The following ERMP1 variants were observed in gnomAD, a reference collection of about 807,000 sequenced individuals.
ERMP1 encodes the protein Felix-ina.
In ERMP1, 86 loss-of-function variants were observed where a neutral mutation model predicts 92.0. That is an observed-to-expected ratio of 0.93 (90% CI 0.79 to 1.12). ERMP1 has a LOEUF of 1.12. Ranked by LOEUF, ERMP1 falls within the 50% of genes most tolerant of loss-of-function variation. ERMP1 has a pLI of 0.00. For missense variants in ERMP1, 1,342 were observed against 1,116.3 expected (o/e 1.20, Z -2.88); for synonymous variants, 530 against 412.8 (o/e 1.28, Z -3.44).
At chr9:5,801,585 C>T (rs1411602362) in intron 10 of ERMP1, among the ~76,000 whole-genome samples, 1 of 151,944 alleles carries the variant, frequency 6.6e-6, no homozygotes, top group Non-Finnish European at 1.5e-5. Flanking sequence ...CAGCCAAAAA[C>T]CAAGAGGGAA....
intron 13 of ERMP1, among the ~76,000 whole-genome samples, chr9:5,792,452 G>A (rs1057369581): frequency 1.3e-5 from 2 of 152,172 alleles, no homozygotes; most frequent in Non-Finnish European, 2.9e-5. Flanking sequence ...CAGGCCAAAT[G>A]CTCCTGGATC....
intron 13 of ERMP1, among the ~76,000 whole-genome samples, chr9:5,793,951 A>G (rs2131205486): frequency 6.6e-6 from 1 of 152,270 alleles, no homozygotes; most frequent in South Asian, 2.1e-4. Flanking sequence ...AGTGACATTC[A>G]TAAAGCCTTC....
At chr9:5,809,224 G>T (rs925271775) in intron 8 of ERMP1, among the ~76,000 whole-genome samples, 5 of 151,762 alleles carry the variant, frequency 3.3e-5, no homozygotes, top group Admixed American at 2.6e-4. Context: ...GTTTCACCGT[G>T]TTAGCCAGGA....
rs1362444362 is a variant in ERMP1 at position 5,839,923 on chromosome 9, T to TA, written n.3200-6612dup. The stretch of plus-strand genomic sequence containing the variant: ...ATCATCCTCCTGTGTCCTACCCACC[T>TA]ACTTGGTACATTAGCAATCCATAAG... On this transcript the variant is annotated intron_variant and non_coding_transcript_variant, in intron 6 of 6. Transcript: ENST00000690753. Among the ~76,000 whole-genome samples, 3 of 152,194 alleles carry TA rather than the reference T, an allele frequency of 2.0e-5. No homozygotes were observed. In the East Asian group the frequency reaches 5.8e-4, roughly 29 times the overall value.
At chr9:5,801,626 A>C (rs556168087) in intron 10 of ERMP1, among the ~76,000 whole-genome samples, 86 of 152,358 alleles carry the variant, frequency 5.6e-4, no homozygotes, top group African/African-American at 1.9e-3. Flanking sequence ...GCTGTCCTTA[A>C]TGTGCGAAAA....
At chr9:5,804,514 G>T (rs922410378) in intron 10 of ERMP1, among the ~76,000 whole-genome samples, 16 of 152,144 alleles carry the variant, frequency 1.1e-4, no homozygotes. Context: ...AGGCACGTTT[G>T]GGTGTCATAA....
At chr9:5,808,062 C>G (rs1828936679) in intron 8 of ERMP1, among the ~76,000 whole-genome samples, 1 of 152,174 alleles carries the variant, frequency 6.6e-6, no homozygotes, top group Non-Finnish European at 1.5e-5. Context: ...TGGCCTCAAG[C>G]AGTCTTCCTG....
chr9:5,859,686 T>G (rs1586845264), intron 5 of ERMP1, among the ~76,000 whole-genome samples: 1 of 152,206 alleles, frequency 6.6e-6, no homozygotes, highest in Non-Finnish European at 1.5e-5. Context: ...CCATAACTAT[T>G]TCAAAGCCTT....
intron 7 of ERMP1, among the ~76,000 whole-genome samples, chr9:5,810,807 T>C (rs1829062439): frequency 6.6e-6 from 1 of 152,216 alleles, no homozygotes; most frequent in Non-Finnish European, 1.5e-5. Flanking sequence ...ATACTAGCTA[T>C]TGGTCTGTAG....
chr9:5,845,143 G>GT (rs113368038), intron 6 of ERMP1, among the ~76,000 whole-genome samples: 25 of 18,918 alleles, frequency 1.3e-3, no homozygotes, highest in African/African-American at 1.7e-3. Context: ...AACTTTCAGT[G>GT]TTTTTTTTTT....
intron 6 of ERMP1, among the ~76,000 whole-genome samples, chr9:5,847,761 GGCA>G (rs1314043868): frequency 3.3e-5 from 5 of 151,810 alleles, no homozygotes; most frequent in East Asian, 3.9e-4. Context: ...CGGGCGTGGT[GGCA>G]GGCGCCTGTA....
intron 13 of ERMP1, among the ~76,000 whole-genome samples, chr9:5,792,106 T>C (rs10975282): frequency 0.35 from 52,651 of 151,816 alleles, 10,091 homozygotes; most frequent in East Asian, 0.75. Flanking sequence ...GTGTGTTGGG[T>C]GCAAATAAGG....
At chr9:5,816,346 T>C (rs1458951412) in intron 4 of ERMP1, among the ~76,000 whole-genome samples, 1 of 152,230 alleles carries the variant, frequency 6.6e-6, no homozygotes, top group Non-Finnish European at 1.5e-5. Flanking sequence ...CATGTCCCTG[T>C]TTATCTGAGA....
At chr9:5,835,071 T>C (rs1830076180), upstream of ERMP1, among the ~76,000 whole-genome samples, 1 of 151,580 alleles carries the variant, frequency 6.6e-6, no homozygotes. Context: ...TTTTCAGAAT[T>C]TTCCTTCTCA....
chr9:5,813,292 C>T (rs1227097276), intron 4 of ERMP1, among the ~76,000 whole-genome samples: 1 of 152,102 alleles, frequency 6.6e-6, no homozygotes, highest in Non-Finnish European at 1.5e-5. Context: ...AAAGATCATT[C>T]ATAAATCTAT....
Position 5,866,509 on chromosome 9 carries a change from T to G in ERMP1, n.3055+1293A>C, listed in dbSNP as rs556831071. On this transcript the variant is annotated intron_variant and non_coding_transcript_variant, in intron 5 of 6. Transcript: ENST00000690753. ...AAACAGCCCAGAATTGGTAGCTCAC[T>G]TGATGCTTTTGAAATCACTTGTACA... Among the ~76,000 whole-genome samples, 14 of 152,290 alleles carry G rather than the reference T, an allele frequency of 9.2e-5. No individual in the cohort carries two copies. In the South Asian group the frequency reaches 2.9e-3, roughly 32 times the overall value.
intron 10 of ERMP1, among the ~76,000 whole-genome samples, chr9:5,802,245 A>G (rs1296986417): frequency 6.6e-6 from 1 of 152,144 alleles, no homozygotes; most frequent in East Asian, 1.9e-4. Flanking sequence ...ACCTAAGGCT[A>G]GTACTGTTTT....
Position 5,787,124 on chromosome 9 carries a change from C to T in ERMP1, c.*20G>A, listed in dbSNP as rs1359560867. 1 of 1,606,658 alleles carries T rather than the reference C, an allele frequency of 6.2e-7. No homozygotes were observed. Among genetic ancestry groups the T allele is most frequent in the Admixed American group, 1.7e-5 (1 of 59,676 alleles). Reference sequence around the variant, plus strand: ...ACATGGAGTATCCACTGGGCATGTACTTAGAGCTCATCCACAAGATTAAAA... The same window carrying T: ...ACATGGAGTATCCACTGGGCATGTATTTAGAGCTCATCCACAAGATTAAAA... On this transcript the variant is annotated 3_prime_UTR_variant, in exon 15 of 15. Transcript: ENST00000339450.
intron 10 of ERMP1, 26 bp downstream of exon 10, chr9:5,804,995 GAAGAAA>G: frequency 6.6e-7 from 1 of 1,515,852 alleles, no homozygotes; most frequent in East Asian, 2.3e-5. Context: ...TATAAAAAAT[GAAGAAA>G]AAGAAAAAAA....
Sources: gnomAD v4.1 joint callset for allele counts (sites outside exome capture counted in the v4.1 genomes callset) on GRCh38, gnomAD v4.1.1 for gene constraint, MANE v1.5 for transcripts, NCBI Gene and HGNC (gene_info 2026-07-23, HGNC 2026-07-21) for gene names.